Variants in XXYLT1 observed in about 807,000 individuals in gnomAD.
XXYLT1 encodes the protein xyloside xylosyltransferase 1.
XXYLT1 carries 20 observed loss-of-function variants against 28.9 expected under a neutral mutation model. The ratio of observed to expected loss-of-function variants is 0.69; its 90% CI spans 0.49 to 1.00. The LOEUF (loss-of-function observed/expected upper bound fraction) is 1.00. Among genes scored for constraint, XXYLT1 ranks in the 50% least tolerant of loss-of-function variants. The probability of loss-of-function intolerance (pLI) is 0.00; values close to 1 mark genes in which losing one functional copy is unlikely to be tolerated. For missense variants in XXYLT1, 542 were observed against 560.1 expected, an observed-to-expected ratio of 0.97 and a Z score of 0.33; for synonymous variants, 257 against 253.8, an observed-to-expected ratio of 1.01 and a Z score of -0.12.
intron 1 of XXYLT1, among the ~76,000 whole-genome samples, chr3:195,253,080 G>T (rs1725336915): frequency 6.6e-6 from 1 of 152,146 alleles, no homozygotes; most frequent in South Asian, 2.1e-4. Flanking sequence ...GTCACAAAGG[G>T]CTCTCCGTGG....
intron 3 of XXYLT1, among the ~76,000 whole-genome samples, chr3:195,135,051 G>C (rs372688549): frequency 3.3e-5 from 5 of 152,134 alleles, no homozygotes; most frequent in African/African-American, 9.7e-5. Flanking sequence ...AACCACAGGG[G>C]CGTAGATTGT....
At chr3:195,125,532 C>T (rs1332486871) in intron 3 of XXYLT1, among the ~76,000 whole-genome samples, 2 of 152,208 alleles carry the variant, frequency 1.3e-5, no homozygotes, top group African/African-American at 4.8e-5. Flanking sequence ...GGGAAGAGCC[C>T]AGGAAGGGCA....
intron 2 of XXYLT1, among the ~76,000 whole-genome samples, chr3:195,212,813 T>C (rs376393652): frequency 1.3e-5 from 2 of 152,122 alleles, no homozygotes; most frequent in African/African-American, 4.8e-5. Context: ...GGCTGAGGAC[T>C]GCTGTTCTAA....
chr3:195,241,821 A>G (rs1724789500), intron 1 of XXYLT1, among the ~76,000 whole-genome samples: 1 of 151,852 alleles, frequency 6.6e-6, no homozygotes, highest in African/African-American at 2.4e-5. Flanking sequence ...ACACACACAC[A>G]CATGCACACA....
At chr3:195,086,225 G>C (rs998246288) in intron 3 of XXYLT1, among the ~76,000 whole-genome samples, 1 of 152,002 alleles carries the variant, frequency 6.6e-6, no homozygotes, top group Admixed American at 6.6e-5. Flanking sequence ...TTTTTTAAGG[G>C]AAGAAAATCC....
At chr3:195,189,687 A>G (rs1289663216) in intron 2 of XXYLT1, among the ~76,000 whole-genome samples, 1 of 152,212 alleles carries the variant, frequency 6.6e-6, no homozygotes, top group Non-Finnish European at 1.5e-5. Flanking sequence ...TCAAAGAAAA[A>G]TGAACCAAGA....
intron 1 of XXYLT1, among the ~76,000 whole-genome samples, chr3:195,258,311 G>A (rs571219052): frequency 1.6e-4 from 25 of 152,288 alleles, no homozygotes; most frequent in Admixed American, 3.3e-4. Flanking sequence ...ATCCATGAGC[G>A]TCTCCCCAGA....
In XXYLT1 at chr3:195,137,502, C is replaced by T. The variant is rs190117806; in HGVS notation, c.785+18947G>A. 3.3e-5 allele frequency among the ~76,000 whole-genome samples: 5 copies of T among 152,200 alleles called. No individual in the cohort carries two copies. In the East Asian group the frequency reaches 7.7e-4, roughly 24 times the overall value. ...TGCACCTGCCTGTAACCTCAAAGAC[C>T]GTGAAGAGAAAGGGGCTAGTGGCAG... On this transcript the variant is annotated intron_variant, in intron 3 of 3. Coordinates refer to ENST00000310380, the MANE Select transcript of XXYLT1 (RefSeq NM_152531.5).
At chr3:195,232,265 C>A (rs1450236405) in intron 1 of XXYLT1, among the ~76,000 whole-genome samples, 1 of 151,500 alleles carries the variant, frequency 6.6e-6, no homozygotes, top group Non-Finnish European at 1.5e-5. Context: ...TTATTTGGGT[C>A]TTCTCTCTTT....
intron 1 of XXYLT1, among the ~76,000 whole-genome samples, chr3:195,227,451 T>A (rs1724106913): frequency 6.6e-6 from 1 of 152,180 alleles, no homozygotes; most frequent in Non-Finnish European, 1.5e-5. Flanking sequence ...TTCTTGAGTA[T>A]CACTGACACT....
At chr3:195,177,710 A>G (rs924009500) in intron 2 of XXYLT1, among the ~76,000 whole-genome samples, 14 of 152,070 alleles carry the variant, frequency 9.2e-5, no homozygotes, top group Non-Finnish European at 2.9e-5. Context: ...ACGATCGCTG[A>G]GTGCAGGTGT....
chr3:195,089,043 C>T (rs1421085838), intron 3 of XXYLT1, among the ~76,000 whole-genome samples: 1 of 151,980 alleles, frequency 6.6e-6, no homozygotes, highest in East Asian at 1.9e-4. Flanking sequence ...ACCAAATCTA[C>T]GTCTGATTGG....
chr3:195,073,311 G>C (rs949797211), intron 3 of XXYLT1, among the ~76,000 whole-genome samples: 24 of 152,350 alleles, frequency 1.6e-4, no homozygotes, highest in African/African-American at 5.5e-4. Context: ...CTACGAGGCA[G>C]GGCAGTGAGT....
intron 3 of XXYLT1, among the ~76,000 whole-genome samples, chr3:195,083,287 G>A (rs777698182): frequency 1.3e-5 from 2 of 152,156 alleles, no homozygotes; most frequent in Non-Finnish European, 2.9e-5. Context: ...CTGTCTACCT[G>A]TGTGTAAACT....
rs778465590 is a variant in XXYLT1, at chr3:195,180,555, G to A, written c.653-23974C>T. ...AACAAACAGATAAGGGTCAGCATCTGAGGCCAGACCCTAAGGCCCTTCCCA... is the reference window on the plus strand; with the variant it reads ...AACAAACAGATAAGGGTCAGCATCTAAGGCCAGACCCTAAGGCCCTTCCCA... On this transcript the variant is annotated intron_variant, in intron 2 of 3. Coordinates refer to ENST00000310380, the MANE Select transcript of XXYLT1 (RefSeq NM_152531.5). This position sits in a 1 kb window ranked among gnomAD's most constrained non-coding sequence, Gnocchi z 5.8. The A allele has an allele frequency of 1.7e-5, 17 of 985,474 alleles. No homozygotes were observed. Among genetic ancestry groups the A allele is most frequent in the Non-Finnish European group, 2.0e-5 (17 of 829,952 alleles). 61.0% of individuals were successfully genotyped at this position (985,474 alleles called of 1,614,324 possible).
chr3:195,112,446 ACC>A (rs1717781421), intron 3 of XXYLT1, among the ~76,000 whole-genome samples: 1 of 150,622 alleles, frequency 6.6e-6, no homozygotes, highest in African/African-American at 2.4e-5. Context: ...ACGCACGCAC[ACC>A]CACACGCATG....
At chr3:195,075,314 C>T (rs926835235) in intron 3 of XXYLT1, among the ~76,000 whole-genome samples, 17 of 152,212 alleles carry the variant, frequency 1.1e-4, no homozygotes, top group African/African-American at 3.4e-4. Flanking sequence ...CTAAGAGATG[C>T]TCCTCATAGA....
chr3:195,265,804 C>G (rs1200631494), intron 1 of XXYLT1, among the ~76,000 whole-genome samples: 1 of 152,218 alleles, frequency 6.6e-6, no homozygotes, highest in Non-Finnish European at 1.5e-5. Context: ...GCGCCACCCT[C>G]AGGGATGGTG....
intron 3 of XXYLT1, among the ~76,000 whole-genome samples, chr3:195,125,218 G>T (rs1212741283): frequency 6.6e-6 from 1 of 152,266 alleles, no homozygotes; most frequent in African/African-American, 2.4e-5. Context: ...CAGGGGAGGG[G>T]ACCCGGCTCC....
Sources: allele counts gnomAD v4.1 joint callset (sites outside exome capture counted in the v4.1 genomes callset), GRCh38; gene constraint gnomAD v4.1.1; non-coding constraint Gnocchi (gnomAD v3.1); transcripts MANE v1.5; gene names NCBI Gene and HGNC (gene_info 2026-07-23, HGNC 2026-07-21).